The following ARHGAP19 variants were observed in gnomAD, a reference collection of about 807,000 sequenced individuals.
ARHGAP19 encodes Rho GTPase activating protein 19.
A neutral mutation model predicts 60.9 loss-of-function variants in ARHGAP19; 48 were observed. That is an observed-to-expected ratio of 0.79 (90% CI 0.62 to 1.00). The LOEUF (loss-of-function observed/expected upper bound fraction) is 1.00. Ranked by LOEUF, ARHGAP19 falls within the 50% of genes least tolerant of loss-of-function variation. The probability of loss-of-function intolerance (pLI) is 0.00; values close to 1 mark genes in which losing one functional copy is unlikely to be tolerated. For missense variants in ARHGAP19, 562 were observed against 597.2 expected, an observed-to-expected ratio of 0.94 and a Z score of 0.61; for synonymous variants, 209 against 215.5, an observed-to-expected ratio of 0.97 and a Z score of 0.27.
intron 9 of ARHGAP19, among the ~76,000 whole-genome samples, chr10:97,233,570 C>T (rs888964517): frequency 6.6e-5 from 10 of 152,150 alleles, no homozygotes; most frequent in African/African-American, 1.4e-4. Context: ...CATGTTCTCA[C>T]TTGTGAGTAG....
intron 5 of ARHGAP19, chr10:97,258,529 G>T (rs2134875810): frequency 6.6e-6 from 1 of 152,114 alleles, no homozygotes. Context: ...GGAAGACTCT[G>T]TCTCAAAAAA....
At chr10:97,282,821 C>CTT (rs201448982) in intron 1 of ARHGAP19, among the ~76,000 whole-genome samples, 1 of 148,094 alleles carries the variant, frequency 6.8e-6, no homozygotes, top group African/African-American at 2.5e-5. Flanking sequence ...GTTTAAAGTA[C>CTT]TATGTAGTTT....
At chr10:97,245,192 A>AGACTGGGTTT (rs1490802572) in intron 7 of ARHGAP19, among the ~76,000 whole-genome samples, 6 of 151,950 alleles carry the variant, frequency 3.9e-5, no homozygotes, top group Non-Finnish European at 8.8e-5. Flanking sequence ...TTTTTGGTAG[A>AGACTGGGTTT]GACTGGGTTT....
intron 1 of ARHGAP19, among the ~76,000 whole-genome samples, chr10:97,283,420 G>A (rs1469812730): frequency 6.6e-6 from 1 of 151,938 alleles, no homozygotes; most frequent in South Asian, 2.1e-4. Flanking sequence ...CCAGCATGGT[G>A]GCGCATGCCT....
chr10:97,249,295 G>GA (rs1274292903), intron 6 of ARHGAP19, among the ~76,000 whole-genome samples: 1 of 152,068 alleles, frequency 6.6e-6, no homozygotes, highest in Non-Finnish European at 1.5e-5. Context: ...CCGCAAAGGG[G>GA]AAAAAAATTT....
intron 1 of ARHGAP19, among the ~76,000 whole-genome samples, chr10:97,268,430 C>CAGT (rs1002259607): frequency 6.6e-6 from 1 of 152,214 alleles, no homozygotes; most frequent in African/African-American, 2.4e-5. Context: ...GGTATCCTTA[C>CAGT]AGTAGTACCC....
chr10:97,276,375 T>TGG (rs1225173880), intron 1 of ARHGAP19, among the ~76,000 whole-genome samples: 7 of 4,646 alleles, frequency 1.5e-3, no homozygotes, highest in African/African-American at 2.2e-3. Flanking sequence ...GTCCGGGAGG[T>TGG]GGGGGGGTCA....
In ARHGAP19 at chr10:97,244,053, T is replaced by C. The variant is rs766767679; in HGVS notation, c.1100A>G (p.His367Arg). The C allele has an allele frequency of 6.2e-7, 1 of 1,614,156 alleles. No homozygotes were observed. The highest frequency in any genetic ancestry group is 1.7e-5 in the Admixed American group (1 of 59,992). ...CTCTCTCAGTGCCTCTTCCGTATGG[T>C]GCTGGGTCTCCTCCTGGTGAGGGCA... The part of the protein sequence containing the change: ...DSCPHQEETQ[H>R]HTEEALRELF... The change falls in exon 8 of 12, where the codon CAC (histidine) becomes CGC (arginine). Residue 367 changes from histidine (H) to arginine (R), a missense_variant. Transcript: ENST00000358531.
At chr10:97,263,738 C>G (rs1037665385) in intron 3 of ARHGAP19, 109 bp from the exon 4 acceptor site, 4 of 1,145,134 alleles carry the variant, frequency 3.5e-6, no homozygotes, top group Non-Finnish European at 5.0e-6. Context: ...CTTCACAAAG[C>G]CTTTCAAGTA....
Position 97,292,635 on chromosome 10 carries a change from A to G in ARHGAP19, c.-8T>C, listed in dbSNP as rs781632008. ...CTGTGCCTCAGTCGCCATCTTCGTCAGCAAACTTCTTTCACCGCCCCACCT... is the reference window on the plus strand; with the variant it reads ...CTGTGCCTCAGTCGCCATCTTCGTCGGCAAACTTCTTTCACCGCCCCACCT... On this transcript the variant is annotated 5_prime_UTR_variant, in exon 1 of 12. Transcript: ENST00000358531. 1.2e-6 allele frequency: 2 copies of G among 1,614,182 alleles called. No homozygotes were observed. Among genetic ancestry groups the G allele is most frequent in the Admixed American group, 1.7e-5 (1 of 60,016 alleles).
chr10:97,272,131 C>CTTTTTTTTTTTTTTTT (rs35980234), intron 1 of ARHGAP19, among the ~76,000 whole-genome samples: 3 of 85,634 alleles, frequency 3.5e-5, no homozygotes, highest in Admixed American at 1.7e-4. Flanking sequence ...GGAAATATGT[C>CTTTTTTTTTTTTTTTT]TTTTTTTTTT....
chr10:97,239,934 C>T (rs566487633), intron 8 of ARHGAP19, among the ~76,000 whole-genome samples: 40 of 151,814 alleles, frequency 2.6e-4, no homozygotes, highest in Non-Finnish European at 5.3e-4. Flanking sequence ...CTCGAACTCC[C>T]GACCTCAGGT....
intron 6 of ARHGAP19, among the ~76,000 whole-genome samples, chr10:97,255,203 T>G (rs1842737278): frequency 6.6e-6 from 1 of 152,170 alleles, no homozygotes; most frequent in Non-Finnish European, 1.5e-5. Flanking sequence ...TTAAAAATGG[T>G]TAAGATGGCA....
chr10:97,259,683 C>A, intron 4 of ARHGAP19, 55 bp from the exon 5 acceptor site: 1 of 1,304,760 alleles, frequency 7.7e-7, no homozygotes, highest in South Asian at 1.2e-5. Context: ...CAAGAAAAAT[C>A]AGTGCTATCA....
rs34158492 is a variant in ARHGAP19 at position 97,249,797 on chromosome 10, CTT to C, written c.928-3462_928-3461del. 1.6e-3 allele frequency among the ~76,000 whole-genome samples: 176 copies of C among 109,000 alleles called. 3 individuals are homozygous for C. Among genetic ancestry groups the C allele is most frequent in the Middle Eastern group, 4.7e-3 (1 of 212 alleles). 71.5% of individuals were successfully genotyped at this position (109,000 alleles called of 152,430 possible). On this transcript the variant is annotated intron_variant, in intron 6 of 11. Transcript: ENST00000358531. The stretch of plus-strand genomic sequence containing the variant: ...TAGATGTGATAATAGTAGTGTGATT[CTT>C]TTTTTTTTTTTTTTTTTGAGACGGA...
chr10:97,292,629 T>G lies in ARHGAP19; in HGVS notation c.-2A>C. On this transcript the variant is annotated 5_prime_UTR_variant, in exon 1 of 12. Coordinates refer to ENST00000358531, the MANE Select transcript of ARHGAP19 (RefSeq NM_032900.6). ...TTCACTCTGTGCCTCAGTCGCCATC[T>G]TCGTCAGCAAACTTCTTTCACCGCC... The G allele has an allele frequency of 6.2e-7, 1 of 1,614,238 alleles. No homozygotes were observed. Among genetic ancestry groups the G allele is most frequent in the African/African-American group, 1.3e-5 (1 of 75,074 alleles).
intron 10 of ARHGAP19, among the ~76,000 whole-genome samples, 187 bp from the exon 11 acceptor site, chr10:97,229,412 T>C (rs1019363303): frequency 8.5e-5 from 13 of 152,122 alleles, no homozygotes; most frequent in African/African-American, 2.7e-4. Context: ...CTAGGATATC[T>C]TGAACCACCA....
intron 1 of ARHGAP19, among the ~76,000 whole-genome samples, chr10:97,273,030 C>G (rs1253386): frequency 5.3e-5 from 8 of 151,582 alleles, no homozygotes; most frequent in Non-Finnish European, 1.2e-4. Flanking sequence ...TTAGTGGAGA[C>G]GGGGTTTCAC....
At chr10:97,280,938 T>C (rs1843076656) in intron 1 of ARHGAP19, among the ~76,000 whole-genome samples, 1 of 152,204 alleles carries the variant, frequency 6.6e-6, no homozygotes, top group South Asian at 2.1e-4. Context: ...GAAGTACTTC[T>C]ACGTATGATC....
Sources: allele counts gnomAD v4.1 joint callset (sites outside exome capture counted in the v4.1 genomes callset), GRCh38; gene constraint gnomAD v4.1.1; transcripts MANE v1.5; gene names NCBI Gene and HGNC (gene_info 2026-07-23, HGNC 2026-07-21).